Variants in ZNF462 observed in about 807,000 individuals in gnomAD.
ZNF462 encodes the protein zinc finger protein 462.
In ZNF462, 10 loss-of-function variants were observed where a neutral mutation model predicts 201.9. The observed-to-expected ratio is 0.05, with a 90% CI of 0.03 to 0.08. ZNF462 has a LOEUF of 0.08. Ranked by LOEUF, ZNF462 falls within the 10% of genes least tolerant of loss-of-function variation. The pLI is 1.00. For missense variants in ZNF462, 2,523 were observed against 3,168.3 expected (o/e 0.80, Z 4.89); for synonymous variants, 1,227 against 1,193.3 (o/e 1.03, Z -0.58).
intron 7 of ZNF462, among the ~76,000 whole-genome samples, chr9:106,960,039 C>T (rs917774136): frequency 3.9e-5 from 6 of 152,166 alleles, no homozygotes; most frequent in Admixed American, 3.9e-4. Flanking sequence ...GGTTAAGAAA[C>T]CCACTGGGTT....
chr9:106,967,333 C>T (rs926111735), intron 7 of ZNF462, among the ~76,000 whole-genome samples: 1 of 152,108 alleles, frequency 6.6e-6, no homozygotes, highest in Non-Finnish European at 1.5e-5. Context: ...GGAATTGGAA[C>T]TGTGAATACT....
rs1220915529 is a variant in ZNF462 at position 106,925,418 on chromosome 9, G to A, written c.1506G>A (p.Val502=). The A allele has an allele frequency of 4.3e-6, 7 of 1,614,094 alleles. No homozygotes were observed. The African/African-American group carries it at 8.0e-5, about 18-fold the overall frequency. Reference sequence around the variant, plus strand: ...GTACAACGTCAGATTGGGATGCTGTGAATTCCCAGAGTGAAAGCATTTCTT... The same window carrying A: ...GTACAACGTCAGATTGGGATGCTGTAAATTCCCAGAGTGAAAGCATTTCTT... ...HTGTTSDWDA[V]NSQSESISSS... The change falls in exon 3 of 13, where the codon GTG becomes GTA. Residue 502 remains valine (V), a synonymous_variant. Transcript: ENST00000277225. This position sits in a 1 kb window ranked among gnomAD's most constrained non-coding sequence, Gnocchi z 7.9.
At chr9:106,908,325 CTTTA>C (rs1371877157) in intron 1 of ZNF462, among the ~76,000 whole-genome samples, 3 of 151,914 alleles carry the variant, frequency 2.0e-5, no homozygotes, top group Admixed American at 6.6e-5. Context: ...ATCTTTATTT[CTTTA>C]TTTATTTGGT....
intron 7 of ZNF462, among the ~76,000 whole-genome samples, chr9:106,940,470 CT>C (rs1450382577): frequency 6.6e-6 from 1 of 152,156 alleles, no homozygotes; most frequent in African/African-American, 2.4e-5. Context: ...AATGAGTAAT[CT>C]TTATTCATGA....
chr9:106,944,054 G>A (rs1830999616), intron 7 of ZNF462, among the ~76,000 whole-genome samples: 1 of 152,210 alleles, frequency 6.6e-6, no homozygotes, highest in South Asian at 2.1e-4. Context: ...TGAAGGTTGA[G>A]ACAGGGTATA....
intron 1 of ZNF462, among the ~76,000 whole-genome samples, chr9:106,900,242 G>GTGTGTT (rs1333765034): frequency 7.1e-6 from 1 of 140,624 alleles, no homozygotes; most frequent in Non-Finnish European, 1.6e-5. Context: ...GTGTGTGTGT[G>GTGTGTT]TGTGTGTGTG....
At chr9:106,943,059 C>CGT (rs3056311) in intron 7 of ZNF462, among the ~76,000 whole-genome samples, 19,052 of 143,076 alleles carry the variant, frequency 0.13, 1,267 homozygotes, top group Middle Eastern at 0.18. Flanking sequence ...TTTGCGCGCG[C>CGT]GTGTGTGTGT....
chr9:106,894,528 G>A (rs1456467622), intron 1 of ZNF462, among the ~76,000 whole-genome samples: 1 of 152,220 alleles, frequency 6.6e-6, no homozygotes, highest in Non-Finnish European at 1.5e-5. Context: ...GATGTGATTA[G>A]ATTAGCTTTT....
rs913816745 is a variant in ZNF462, at chr9:107,003,930, G to A, written c.7189+504G>A. Among the ~76,000 whole-genome samples, 1 of 152,072 alleles carries A rather than the reference G, an allele frequency of 6.6e-6. No homozygotes were observed. The highest frequency in any genetic ancestry group is 1.5e-5 in the Non-Finnish European group (1 of 68,018). On this transcript the variant is annotated intron_variant, in intron 11 of 12. Coordinates refer to ENST00000277225, the MANE Select transcript of ZNF462 (RefSeq NM_021224.6). The surrounding 1 kb of genome is among the most constrained non-coding windows in gnomAD (Gnocchi z 4.4). ...CTTAACCCCCTTTGTGCTCTGACTT[G>A]CTTTGTAAGGAGAGAGAAAGAGAGA...
chr9:106,897,768 A>G (rs1282514008), intron 1 of ZNF462, among the ~76,000 whole-genome samples: 12 of 152,218 alleles, frequency 7.9e-5, no homozygotes, highest in African/African-American at 1.4e-4. Flanking sequence ...GACAGTCTTA[A>G]GACAAGGATG....
chr9:106,906,333 TG>T (rs1829273650), intron 1 of ZNF462, among the ~76,000 whole-genome samples: 1 of 152,194 alleles, frequency 6.6e-6, no homozygotes, highest in South Asian at 2.1e-4. Flanking sequence ...GCAGTCAATC[TG>T]GAGCTAAAAT....
At chr9:106,979,938 C>CG (rs1705726301) in intron 9 of ZNF462, among the ~76,000 whole-genome samples, 1 of 152,128 alleles carries the variant, frequency 6.6e-6, no homozygotes, top group African/African-American at 2.4e-5. Flanking sequence ...AGACAAATGC[C>CG]GCATTTAACT....
rs796143313 is a variant in ZNF462, at chr9:106,986,476, A to G, written c.7056+2067A>G. 2.0e-5 allele frequency among the ~76,000 whole-genome samples: 3 copies of G among 152,296 alleles called. No homozygotes were observed. The East Asian group carries it at 5.8e-4, about 29-fold the overall frequency. ...TCTCCTCCACTTTGAGACCCAATAC[A>G]TTCCTTAGAGTATTTGTTAATTGAA... On this transcript the variant is annotated intron_variant, in intron 10 of 12. Transcript: ENST00000277225.
intron 1 of ZNF462, among the ~76,000 whole-genome samples, chr9:106,903,814 T>C (rs775851283): frequency 6.6e-6 from 1 of 152,150 alleles, no homozygotes; most frequent in Non-Finnish European, 1.5e-5. Flanking sequence ...TAAGTCCTTA[T>C]GTGTTAGTTG....
intron 1 of ZNF462, among the ~76,000 whole-genome samples, chr9:106,875,149 C>A (rs1342501098): frequency 2.0e-5 from 3 of 152,186 alleles, no homozygotes; most frequent in African/African-American, 7.2e-5. Context: ...CAATGTGCTT[C>A]TGCCTGTTCT....
In ZNF462 at chr9:106,876,917, C is replaced by G. The variant is rs1250042584; in HGVS notation, c.-31+13562C>G. Reference sequence around the variant, plus strand: ...ACATATCTCTTAGCCAGTTTGAGGACTGCCCCATAGCCTGGCTTAGAAATG... The same window carrying G: ...ACATATCTCTTAGCCAGTTTGAGGAGTGCCCCATAGCCTGGCTTAGAAATG... On this transcript the variant is annotated intron_variant, in intron 1 of 12. Coordinates refer to ENST00000277225, the MANE Select transcript of ZNF462 (RefSeq NM_021224.6). This position sits in a 1 kb window ranked among gnomAD's most constrained non-coding sequence, Gnocchi z 4.9. 6.6e-6 allele frequency among the ~76,000 whole-genome samples: 1 copy of G among 152,192 alleles called. No individual in the cohort carries two copies. The highest frequency in any genetic ancestry group is 1.5e-5 in the Non-Finnish European group (1 of 68,040).
chr9:106,868,746 C>T (rs1446875746), intron 1 of ZNF462, among the ~76,000 whole-genome samples: 3 of 152,122 alleles, frequency 2.0e-5, no homozygotes, highest in Non-Finnish European at 4.4e-5. Flanking sequence ...TCAGGTCGGC[C>T]GACTCCAGCC....
chr9:106,926,308 A>T lies in ZNF462; in HGVS notation c.2396A>T (p.Asp799Val), dbSNP rs1830191242. The T allele has an allele frequency of 6.2e-7, 1 of 1,614,034 alleles. No homozygotes were observed. ...IELTLSEDEE[D>V]YYGSSTNLKD... ...CTCACCCTTTCTGAAGATGAAGAGG[A>T]TTATTATGGCTCCTCAACAAACTTG... Residue 799 changes from aspartate to valine, a missense_variant, in exon 3 of 13, where the codon GAT (aspartate) becomes GTT (valine). This residue lies in a region of ZNF462 where 383 missense variants were observed against 453.4 expected (regional missense o/e 0.84). Transcript: ENST00000277225. The surrounding 1 kb of genome is among the most constrained non-coding windows in gnomAD (Gnocchi z 7.9).
chr9:106,938,588 G>C lies in ZNF462; in HGVS notation c.6236-328G>C, dbSNP rs955882199. Among the ~76,000 whole-genome samples the C allele has an allele frequency of 6.6e-6, 1 of 152,168 alleles. No individual in the cohort carries two copies. On this transcript the variant is annotated intron_variant, in intron 6 of 12. Coordinates refer to ENST00000277225, the MANE Select transcript of ZNF462 (RefSeq NM_021224.6). The surrounding 1 kb of genome is among the most constrained non-coding windows in gnomAD (Gnocchi z 4.4). Reference sequence around the variant, plus strand: ...TTTCTAGTGTAGAGAGGGAGGGAAAGGGATTGGAAATTTTTCTAAAGGAGG... The same window carrying C: ...TTTCTAGTGTAGAGAGGGAGGGAAACGGATTGGAAATTTTTCTAAAGGAGG...
Sources: gnomAD v4.1 joint callset for allele counts (sites outside exome capture counted in the v4.1 genomes callset) on GRCh38, gnomAD v4.1.1 for gene constraint, gnomAD v4.1.1 regional missense constraint, Gnocchi (gnomAD v3.1) non-coding constraint, MANE v1.5 for transcripts, NCBI Gene and HGNC (gene_info 2026-07-23, HGNC 2026-07-21) for gene names.